The following ELF4 variants were observed in gnomAD, a reference collection of about 807,000 sequenced individuals.
The protein encoded by ELF4 is E74 like ETS transcription factor 4.
A neutral mutation model predicts 31.7 loss-of-function variants in ELF4; 10 were observed. The observed-to-expected ratio is 0.32, with a 90% confidence interval of 0.19 to 0.54. The LOEUF is 0.54. Ranked by LOEUF, ELF4 falls within the 20% of genes least tolerant of loss-of-function variation. ELF4 has a pLI of 0.95. For synonymous variants in ELF4, 208 were observed against 226.7 expected (o/e 0.92, Z 0.74); for missense variants, 418 against 522.0 (o/e 0.80, Z 1.94).
rs1243589545 is a variant in ELF4, at chrX:130,067,251, G to C, written c.1462C>G (p.Gln488Glu). The C allele has an allele frequency of 8.3e-7, 1 of 1,210,865 alleles. No homozygotes were observed. The highest frequency in any genetic ancestry group is 1.1e-6 in the Non-Finnish European group (1 of 895,256). ...GGACGGTTGGCCCCAGCCAGAAGTT[G>C]GGGGAGGCCACTGAGAATCAGTGGA... ...GAPLILSGLP[Q>E]LLAGANRPTN... Residue 488 changes from glutamine to glutamate, a missense_variant, in exon 9 of 9, where the codon CAA becomes GAA. By Grantham distance (29) the Gln-to-Glu change is conservative. Coordinates refer to ENST00000308167, the MANE Select transcript of ELF4 (RefSeq NM_001421.4).
At chrX:130,096,123 G>C (rs1404332101) in intron 1 of ELF4, among the ~76,000 whole-genome samples, 2 of 112,069 alleles carry the variant, frequency 1.8e-5, no homozygotes, top group African/African-American at 6.5e-5. Flanking sequence ...AAAATGGGGA[G>C]TGAATACTAA....
intron 7 of ELF4, among the ~76,000 whole-genome samples, chrX:130,070,395 AC>A (rs985325146): frequency 1.0e-4 from 11 of 109,869 alleles, no homozygotes; most frequent in Non-Finnish European, 5.7e-5. Context: ...ACATGGTGAA[AC>A]CCCCAGTCTC....
intron 1 of ELF4, among the ~76,000 whole-genome samples, chrX:130,109,852 A>T (rs751529837): frequency 8.9e-6 from 1 of 112,950 alleles, no homozygotes; most frequent in South Asian, 3.6e-4. Flanking sequence ...GCCCCTGCCA[A>T]GAGGTCTCTA....
chrX:130,100,994 G>C (rs1305301718), intron 1 of ELF4, among the ~76,000 whole-genome samples: 1 of 112,330 alleles, frequency 8.9e-6, no homozygotes, highest in African/African-American at 3.2e-5. Context: ...CTTGCTCCAG[G>C]CCTCTGTTAG....
intron 1 of ELF4, among the ~76,000 whole-genome samples, chrX:130,089,487 C>A (rs1453096654): frequency 3.0e-5 from 2 of 66,667 alleles, no homozygotes; most frequent in African/African-American, 1.3e-4. Flanking sequence ...TCAGCCAGGG[C>A]AACAAGAGTG....
rs778821476 is a variant in ELF4 at position 130,090,961 on chromosome X, C to T, written c.-209-9422G>A. 1.2e-3 allele frequency among the ~76,000 whole-genome samples: 133 copies of T among 111,231 alleles called. 1 individual carries two copies. Among genetic ancestry groups the T allele is most frequent in the African/African-American group, 4.2e-3 (130 of 30,599 alleles). On this transcript the variant is annotated intron_variant, in intron 1 of 8. Coordinates refer to ENST00000308167, the MANE Select transcript of ELF4 (RefSeq NM_001421.4). ...CCAAGTAGCTGGAACTACACGTGCA[C>T]GCCACCGTGCCCGGCTAACTTTTTG...
At chrX:130,099,570 G>A (rs763735618) in intron 1 of ELF4, among the ~76,000 whole-genome samples, 11 of 111,099 alleles carry the variant, frequency 9.9e-5, no homozygotes, top group South Asian at 3.8e-4. Context: ...GCGATACTCC[G>A]TCTCAAAAAA....
chrX:130,104,356 C>T (rs750556362), intron 1 of ELF4, among the ~76,000 whole-genome samples: 19 of 107,832 alleles, frequency 1.8e-4, no homozygotes, highest in Non-Finnish European at 3.4e-4. Context: ...GTGCAATGGC[C>T]GAGTTAACAA....
intron 1 of ELF4, among the ~76,000 whole-genome samples, chrX:130,102,715 G>C (rs1933285022): frequency 9.3e-6 from 1 of 108,009 alleles, no homozygotes; most frequent in Admixed American, 1.0e-4. Flanking sequence ...TACTTGGAAG[G>C]CTAAGGTGGT....
In ELF4 at chrX:130,064,246, T is replaced by C. The variant is rs901764432; in HGVS notation, c.*2475A>G. The stretch of plus-strand genomic sequence containing the variant: ...TGAGGCCAGGAGTTCGAGACCAGCC[T>C]GGCCGAAATGGTGAAACCCTGGCTC... On this transcript the variant is annotated 3_prime_UTR_variant, in exon 9 of 9. Transcript: ENST00000308167. Among the ~76,000 whole-genome samples the C allele has an allele frequency of 9.0e-6, 1 of 111,065 alleles. No individual in the cohort carries two copies. The highest frequency in any genetic ancestry group is 3.3e-5 in the African/African-American group (1 of 30,547).
chrX:130,077,066 G>C (rs867603350), intron 2 of ELF4, among the ~76,000 whole-genome samples: 7 of 111,287 alleles, frequency 6.3e-5, no homozygotes, highest in Middle Eastern at 9.3e-3. Flanking sequence ...ACAGACTGAG[G>C]TAAGCAGTTG....
At chrX:130,077,391 G>A (rs1471256442) in intron 2 of ELF4, among the ~76,000 whole-genome samples, 1 of 110,017 alleles carries the variant, frequency 9.1e-6, no homozygotes, top group Non-Finnish European at 1.9e-5. Flanking sequence ...CACCTCCTGG[G>A]CTCAAGCAAT....
chrX:130,080,513 T>G (rs1932878286), intron 2 of ELF4, among the ~76,000 whole-genome samples: 1 of 109,764 alleles, frequency 9.1e-6, no homozygotes, highest in Non-Finnish European at 1.9e-5. Flanking sequence ...GGCTCCTGAC[T>G]CCTAATCTTC....
Position 130,065,924 on chromosome X carries a change from A to G in ELF4, c.*797T>C. The G allele has an allele frequency of 5.7e-6, 1 of 175,057 alleles. No homozygotes were observed. Among genetic ancestry groups the G allele is most frequent in the Non-Finnish European group, 1.1e-5 (1 of 91,227 alleles). The allele number at this position is 175,057 out of a possible 1,213,427, so 14.4% of individuals were successfully genotyped here. ...GGTGACTGTGGTTGCTAACACGGCA[A>G]ACTCCAGGAAGAGTACCTTGGTCCA... is the stretch of plus-strand genomic sequence containing the variant. On this transcript the variant is annotated 3_prime_UTR_variant, in exon 9 of 9. Transcript: ENST00000308167.
At position 130,065,068 on chromosome X, in the gene ELF4, G is replaced by T. The variant is rs997731400; in HGVS notation, c.*1653C>A. ...AGAAGAGTAGGAGAGGGTGATAGTT[G>T]TTGGCTTAACAAAGAAGAGAAGAGC... On this transcript the variant is annotated 3_prime_UTR_variant, in exon 9 of 9. Transcript: ENST00000308167. 7.5e-5 allele frequency: 13 copies of T among 173,219 alleles called. No individual in the cohort carries two copies. The East Asian group carries it at 1.1e-3, about 14-fold the overall frequency. The allele number at this position is 173,219 out of a possible 1,213,427, so 14.3% of individuals were successfully genotyped here. A position where few individuals can be genotyped will look rare whatever the true frequency, so the allele number is the denominator to read the frequency against.
At chrX:130,107,720 G>T (rs756762433) in intron 1 of ELF4, among the ~76,000 whole-genome samples, 1 of 112,689 alleles carries the variant, frequency 8.9e-6, no homozygotes, top group African/African-American at 3.2e-5. Context: ...TATCGTAAGG[G>T]CAGCTAGCAC....
chrX:130,085,952 G>A (rs900668966), intron 1 of ELF4, among the ~76,000 whole-genome samples: 1 of 111,935 alleles, frequency 8.9e-6, no homozygotes, highest in Admixed American at 9.5e-5. Context: ...GACCAGTGGC[G>A]TGGATTTAAG....
chrX:130,109,902 G>T (rs181569679), intron 1 of ELF4, among the ~76,000 whole-genome samples: 1 of 112,826 alleles, frequency 8.9e-6, no homozygotes, highest in African/African-American at 3.2e-5. Context: ...GTCTGCGTGC[G>T]CGTGTGTGCG....
intron 7 of ELF4, among the ~76,000 whole-genome samples, chrX:130,070,785 A>T (rs1932779280): frequency 9.8e-6 from 1 of 102,207 alleles, no homozygotes; most frequent in South Asian, 4.8e-4. Flanking sequence ...AAAAAAAAAA[A>T]AAAAAGAAAG....
Sources: allele counts gnomAD v4.1 joint callset (sites outside exome capture counted in the v4.1 genomes callset), GRCh38; gene constraint gnomAD v4.1.1; transcripts MANE v1.5; gene names NCBI Gene and HGNC (gene_info 2026-07-23, HGNC 2026-07-21).